The following PPP6R3 variants were observed in gnomAD, a reference collection of about 807,000 sequenced individuals.
PPP6R3 encodes protein phosphatase 6 regulatory subunit 3.
PPP6R3 carries 38 observed loss-of-function variants against 110.7 expected under a neutral mutation model. The ratio of observed to expected loss-of-function variants is 0.34; its 90% CI spans 0.26 to 0.45. PPP6R3 has a LOEUF of 0.45. Among genes scored for constraint, PPP6R3 ranks in the 20% least tolerant of loss-of-function variants. The pLI is 1.00. For missense variants in PPP6R3, 870 were observed against 1,062.4 expected (o/e 0.82, Z 2.52); for synonymous variants, 369 against 373.5 (o/e 0.99, Z 0.14).
At chr11:68,538,180 A>G (rs575176691) in intron 3 of PPP6R3, among the ~76,000 whole-genome samples, 2 of 152,360 alleles carry the variant, frequency 1.3e-5, no homozygotes, top group East Asian at 3.9e-4. Flanking sequence ...TGATTAAAAT[A>G]TTTACTTTGC....
intron 3 of PPP6R3, among the ~76,000 whole-genome samples, chr11:68,542,280 T>A (rs1444260695): frequency 6.6e-6 from 1 of 151,698 alleles, no homozygotes; most frequent in Non-Finnish European, 1.5e-5. Flanking sequence ...TCCCTTCTGA[T>A]TGCCTTCTCT....
Position 68,470,185 on chromosome 11 carries a change from A to G in PPP6R3, c.-158+9358A>G, listed in dbSNP as rs1204142589. Among the ~76,000 whole-genome samples, 44 of 152,360 alleles carry G rather than the reference A, an allele frequency of 2.9e-4. 1 individual carries two copies. Among genetic ancestry groups the G allele is most frequent in the Admixed American group, 6.5e-5 (1 of 15,306 alleles). On this transcript the variant is annotated intron_variant, in intron 1 of 23. Coordinates refer to ENST00000393800, the MANE Select transcript of PPP6R3 (RefSeq NM_001164161.2). ...CAGTTAACAGATAAATGAAAGATAC[A>G]GTAGCCATATGGTAATACAAACAGG...
At chr11:68,579,157 G>A (rs1307872347) in intron 14 of PPP6R3, among the ~76,000 whole-genome samples, 1 of 152,214 alleles carries the variant, frequency 6.6e-6, no homozygotes, top group African/African-American at 2.4e-5. Context: ...GGTGAAACCT[G>A]AAAGTGGGTG....
At position 68,613,749 on chromosome 11, in the gene PPP6R3, TTAAG is replaced by T. The variant is rs869295660; in HGVS notation, c.*636_*639del. The T allele has an allele frequency of 3.7e-5, 35 of 948,370 alleles. No homozygotes were observed. The highest frequency in any genetic ancestry group is 1.1e-4 in the African/African-American group (5 of 45,918). 58.7% of individuals were successfully genotyped at this position (948,370 alleles called of 1,614,324 possible). On this transcript the variant is annotated 3_prime_UTR_variant, in exon 24 of 24. Transcript: ENST00000393800. ...AAAAATGTAAGTCTATTGGTAGAGA[TTAAG>T]TAAAGTATTTATTGCTACATCATAG...
At chr11:68,461,844 C>T (rs923493073) in intron 1 of PPP6R3, among the ~76,000 whole-genome samples, 2 of 152,110 alleles carry the variant, frequency 1.3e-5, no homozygotes, top group Admixed American at 1.3e-4. Flanking sequence ...TGATTTTGTC[C>T]TCAAGGTCAT....
chr11:68,475,136 T>G (rs1335032684), intron 1 of PPP6R3, among the ~76,000 whole-genome samples: 1 of 152,122 alleles, frequency 6.6e-6, no homozygotes, highest in Admixed American at 6.5e-5. Context: ...CATGCTGCCT[T>G]CAAGTATCTG....
At chr11:68,463,679 T>A (rs1283388718) in intron 1 of PPP6R3, among the ~76,000 whole-genome samples, 1 of 152,238 alleles carries the variant, frequency 6.6e-6, no homozygotes, top group Non-Finnish European at 1.5e-5. Context: ...CAGTATTGGC[T>A]GCTACTTTTT....
chr11:68,482,817 T>TTTGC (rs1226358274), intron 1 of PPP6R3, among the ~76,000 whole-genome samples: 3 of 152,194 alleles, frequency 2.0e-5, no homozygotes, highest in African/African-American at 7.2e-5. Context: ...TTTCTGTATA[T>TTTGC]TTGCATATAT....
intron 2 of PPP6R3, among the ~76,000 whole-genome samples, chr11:68,536,856 C>T (rs1223183628): frequency 3.9e-5 from 6 of 152,140 alleles, no homozygotes; most frequent in African/African-American, 1.4e-4. Flanking sequence ...GAGGTCTTTT[C>T]CTGTGATGCT....
rs2099391950 is a variant in PPP6R3, at chr11:68,554,439, A to G, written c.731+182A>G. Among the ~76,000 whole-genome samples, 3 of 152,318 alleles carry G rather than the reference A, an allele frequency of 2.0e-5. No individual in the cohort carries two copies. The South Asian group carries it at 6.2e-4, about 32-fold the overall frequency. On this transcript the variant is annotated intron_variant, in intron 7 of 23. Coordinates refer to ENST00000393800, the MANE Select transcript of PPP6R3 (RefSeq NM_001164161.2). Reference sequence around the variant, plus strand: ...TCAGTAGAAGTTTGGCAGGGTAAGAAGATAAATGACATTTATATCTAGACT... The same window carrying G: ...TCAGTAGAAGTTTGGCAGGGTAAGAGGATAAATGACATTTATATCTAGACT...
rs1347851727 is a variant in PPP6R3, at chr11:68,614,031, T to TGCATATTTAACAGACCTAA, written c.*915_*933dup. 24 of 985,578 alleles carry TGCATATTTAACAGACCTAA rather than the reference T, an allele frequency of 2.4e-5. No homozygotes were observed. Among genetic ancestry groups the TGCATATTTAACAGACCTAA allele is most frequent in the Non-Finnish European group, 7.2e-6 (6 of 829,886 alleles). 61.1% of individuals were successfully genotyped at this position (985,578 alleles called of 1,614,324 possible). On this transcript the variant is annotated 3_prime_UTR_variant, in exon 24 of 24. Coordinates refer to ENST00000393800, the MANE Select transcript of PPP6R3 (RefSeq NM_001164161.2). ...CACCAATGAACATTTCAGAGCAATCTGCATATTTAACAGACCTAAAATAAA... is the reference window on the plus strand; with the variant it reads ...CACCAATGAACATTTCAGAGCAATCTGCATATTTAACAGACCTAAGCATATTTAACAGACCTAAAATAAA...
chr11:68,579,046 A>G (rs775628927), intron 14 of PPP6R3, among the ~76,000 whole-genome samples: 1 of 152,206 alleles, frequency 6.6e-6, no homozygotes, highest in African/African-American at 2.4e-5. Context: ...AAAATTGTTG[A>G]TGCTTCTTTC....
chr11:68,579,969 A>G (rs533267773), intron 14 of PPP6R3, among the ~76,000 whole-genome samples: 1 of 152,336 alleles, frequency 6.6e-6, no homozygotes, highest in South Asian at 2.1e-4. Context: ...CTTGTCATGA[A>G]ACAATGCATG....
intron 1 of PPP6R3, among the ~76,000 whole-genome samples, chr11:68,484,708 C>T (rs1240146142): frequency 6.6e-6 from 1 of 152,034 alleles, no homozygotes; most frequent in African/African-American, 2.4e-5. Flanking sequence ...CTGCCTCAGC[C>T]TCCGGAGTAG....
At chr11:68,544,776 GTTTATC>G (rs1157839789) in intron 3 of PPP6R3, 56 bp from the exon 4 acceptor site, 2 of 1,182,076 alleles carry the variant, frequency 1.7e-6, no homozygotes, top group African/African-American at 3.1e-5. Flanking sequence ...TCTGATTTGT[GTTTATC>G]TTTATGTAAT....
At chr11:68,474,142 T>C (rs1379304238) in intron 1 of PPP6R3, among the ~76,000 whole-genome samples, 1 of 151,772 alleles carries the variant, frequency 6.6e-6, no homozygotes, top group African/African-American at 2.4e-5. Flanking sequence ...ACTCCTGGGC[T>C]CAAGGAATCC....
intron 6 of PPP6R3, among the ~76,000 whole-genome samples, chr11:68,551,987 C>G (rs2099382887): frequency 6.6e-6 from 1 of 152,176 alleles, no homozygotes; most frequent in African/African-American, 2.4e-5. Context: ...TAAAGGTTGA[C>G]TTGGTTACAG....
chr11:68,591,246 G>A (rs116694018), intron 17 of PPP6R3, among the ~76,000 whole-genome samples: 1,914 of 152,252 alleles, frequency 0.013, 32 homozygotes, highest in African/African-American at 0.043. Flanking sequence ...AAATAAGTAC[G>A]GTTGCTTTTC....
intron 3 of PPP6R3, among the ~76,000 whole-genome samples, chr11:68,541,089 AATTTAT>A (rs1339127133): frequency 2.0e-5 from 3 of 152,220 alleles, no homozygotes; most frequent in Non-Finnish European, 4.4e-5. Context: ...AAATCTTTAC[AATTTAT>A]ATTTAGAGAT....
Sources: allele counts gnomAD v4.1 joint callset (sites outside exome capture counted in the v4.1 genomes callset), GRCh38; gene constraint gnomAD v4.1.1; transcripts MANE v1.5; gene names NCBI Gene and HGNC (gene_info 2026-07-23, HGNC 2026-07-21).